Variants in DENND5A observed in about 807,000 individuals in gnomAD.
The protein encoded by DENND5A is DENN domain-containing protein 5A.
A neutral mutation model predicts 140.3 loss-of-function variants in DENND5A; 64 were observed. That is an observed-to-expected ratio of 0.46 (90% confidence interval 0.37 to 0.56). DENND5A has a LOEUF of 0.56. DENND5A is among the 20% of genes least tolerant of loss of function. The pLI, the probability that DENND5A is intolerant of heterozygous loss-of-function variation, is 0.00. For synonymous variants in DENND5A, 605 were observed against 607.7 expected, an observed-to-expected ratio of 1.00 and a Z score of 0.07; for missense variants, 1,292 against 1,593.8, an observed-to-expected ratio of 0.81 and a Z score of 3.22.
chr11:9,213,730 C>T (rs1376606918), intron 1 of DENND5A, among the ~76,000 whole-genome samples: 1 of 145,976 alleles, frequency 6.9e-6, no homozygotes, highest in Non-Finnish European at 1.5e-5. Flanking sequence ...TCGCTTGAAC[C>T]CTGGAGATGG....
chr11:9,191,463 C>T (rs11042214), intron 5 of DENND5A, among the ~76,000 whole-genome samples: 17,649 of 152,232 alleles, frequency 0.12, 1,091 homozygotes, highest in South Asian at 0.17. Flanking sequence ...TGGTCTCGAA[C>T]TCCTGACTTC....
Position 9,181,048 on chromosome 11 carries a change from T to C in DENND5A, c.1174A>G (p.Ile392Val). 5 of 1,614,038 alleles carry C rather than the reference T, an allele frequency of 3.1e-6. No individual in the cohort carries two copies. Among genetic ancestry groups the C allele is most frequent in the Non-Finnish European group, 4.2e-6 (5 of 1,179,994 alleles). The stretch of plus-strand genomic sequence containing the variant: ...TGTGGCAAGTCCTCTGGCAACTCAA[T>C]GAAGTGGTTGTCAATGTCCACAAAG... ...LCFVDIDNHF[I>V]ELPEDLPQFP... is the part of the protein sequence containing the mutation. The change falls in exon 6 of 23, where the codon ATT (isoleucine) becomes GTT (valine). Residue 392 changes from isoleucine (I) to valine (V), a missense_variant. Ile to Val is a conservative substitution (Grantham distance 29). Around this residue, in one of 4 missense-constraint regions of DENND5A, gnomAD observed 566 missense variants for 650.4 expected, o/e 0.87. Coordinates refer to ENST00000328194, the MANE Select transcript of DENND5A (RefSeq NM_015213.4).
At chr11:9,249,050 A>C (rs1032339926) in intron 1 of DENND5A, among the ~76,000 whole-genome samples, 13 of 151,984 alleles carry the variant, frequency 8.6e-5, no homozygotes, top group Non-Finnish European at 1.6e-4. Flanking sequence ...ACGTGGTGAA[A>C]CCCTGTCTCT....
chr11:9,145,884 A>T (rs1263435582), intron 16 of DENND5A, 69 bp from the exon 17 acceptor site: 1 of 1,551,522 alleles, frequency 6.4e-7, no homozygotes, highest in East Asian at 2.2e-5. Context: ...TGGGACTCTG[A>T]CCTGCTCCAG....
chr11:9,237,819 G>A (rs1229568555), intron 1 of DENND5A, among the ~76,000 whole-genome samples: 1 of 152,044 alleles, frequency 6.6e-6, no homozygotes, highest in Non-Finnish European at 1.5e-5. Context: ...GGAAGCAGAG[G>A]TTGCAGTGAG....
At chr11:9,223,494 C>A (rs1850402360) in intron 1 of DENND5A, among the ~76,000 whole-genome samples, 1 of 152,026 alleles carries the variant, frequency 6.6e-6, no homozygotes, top group Non-Finnish European at 1.5e-5. Context: ...GAGCCAAGAT[C>A]TCACCATTGC....
At chr11:9,197,671 G>A (rs1402429070) in intron 4 of DENND5A, among the ~76,000 whole-genome samples, 4 of 152,038 alleles carry the variant, frequency 2.6e-5, no homozygotes, top group Non-Finnish European at 5.9e-5. Flanking sequence ...CTCTAGCCTG[G>A]GCAACAGAGC....
chr11:9,193,419 T>C, intron 5 of DENND5A, 75 bp downstream of exon 5: 2 of 1,231,966 alleles, frequency 1.6e-6, no homozygotes, highest in East Asian at 5.1e-5. Flanking sequence ...ACATCATGCA[T>C]GCTGGGTTCA....
At chr11:9,144,313 G>T (rs747583993) in intron 18 of DENND5A, 35 bp from the exon 19 acceptor site, 10 of 1,606,012 alleles carry the variant, frequency 6.2e-6, no homozygotes, top group South Asian at 5.5e-5. Context: ...AGAGCAGCCA[G>T]CTCCTCCCTG....
intron 1 of DENND5A, among the ~76,000 whole-genome samples, chr11:9,233,201 C>G (rs1466791718): frequency 6.6e-6 from 1 of 152,068 alleles, no homozygotes; most frequent in Non-Finnish European, 1.5e-5. Flanking sequence ...GAGTTCGAGA[C>G]CAGCCTGGCC....
chr11:9,223,197 G>A (rs908232521), intron 1 of DENND5A, among the ~76,000 whole-genome samples: 2 of 151,788 alleles, frequency 1.3e-5, no homozygotes, highest in Admixed American at 1.3e-4. Context: ...AAGACCAGCC[G>A]AAGCAACATA....
chr11:9,173,529 T>C (rs1301770842), intron 8 of DENND5A, among the ~76,000 whole-genome samples: 3 of 152,194 alleles, frequency 2.0e-5, no homozygotes, highest in Admixed American at 2.0e-4. Flanking sequence ...GTTCTTTTTG[T>C]TGTTGTTTAG....
rs144366770 is a variant in DENND5A, at chr11:9,204,006, G to A, written c.603C>T (p.Leu201=). ...FNSYDISRDT[L]YVSKCICLIT... Reference sequence around the variant, plus strand: ...TGAGGCAGATGCACTTAGAGACGTAGAGAGTGTCCCGGCTAATGTCATAGG... The same window carrying A: ...TGAGGCAGATGCACTTAGAGACGTAAAGAGTGTCCCGGCTAATGTCATAGG... Residue 201 remains leucine, a synonymous_variant, in exon 4 of 23, where the codon CTC becomes CTT. Transcript: ENST00000328194. 6.8e-6 allele frequency: 11 copies of A among 1,614,030 alleles called. No homozygotes were observed. Among genetic ancestry groups the A allele is most frequent in the Middle Eastern group, 1.6e-4 (1 of 6,084 alleles).
intron 4 of DENND5A, among the ~76,000 whole-genome samples, chr11:9,198,968 A>AATGGCGTGAACCCGGGAGGCGGAG: frequency 1.5e-5 from 2 of 137,556 alleles, no homozygotes; most frequent in Non-Finnish European, 1.6e-5. Context: ...GAGGCAGGAG[A>AATGGCGTGAACCCGGGAGGCGGAG]CTCACTTGAT....
chr11:9,163,905 A>C (rs1848081027), intron 11 of DENND5A, among the ~76,000 whole-genome samples: 1 of 119,092 alleles, frequency 8.4e-6, no homozygotes, highest in Non-Finnish European at 1.7e-5. Context: ...CAGAAGAGAC[A>C]AAATTGTATG....
chr11:9,187,792 G>T (rs1187930646), intron 5 of DENND5A, among the ~76,000 whole-genome samples: 1 of 152,152 alleles, frequency 6.6e-6, no homozygotes, highest in African/African-American at 2.4e-5. Flanking sequence ...GCCTCACAAA[G>T]GCAGCTCAGT....
chr11:9,241,987 C>G, intron 1 of DENND5A, among the ~76,000 whole-genome samples: 1 of 145,124 alleles, frequency 6.9e-6, no homozygotes, highest in Non-Finnish European at 1.5e-5. Flanking sequence ...GCGCTCCAGC[C>G]TGGGCAACAT....
intron 4 of DENND5A, among the ~76,000 whole-genome samples, chr11:9,194,846 A>G (rs1402868216): frequency 2.0e-5 from 3 of 150,406 alleles, no homozygotes; most frequent in Non-Finnish European, 4.4e-5. Context: ...CAGCCTCCCG[A>G]GTAGCTGGGA....
Position 9,170,730 on chromosome 11 carries a change from G to A in DENND5A, c.1954C>T (p.His652Tyr). ...RLAKIDHTAI[H>Y]PHLLDMKIGQ... ...ATCTTCATGTCAAGTAAATGTGGGTGAATTGCAGTATGGTCAATTTTTGCC... is the reference window on the plus strand; with the variant it reads ...ATCTTCATGTCAAGTAAATGTGGGTAAATTGCAGTATGGTCAATTTTTGCC... Residue 652 changes from histidine to tyrosine, a missense_variant, in exon 9 of 23, where the codon CAC becomes TAC. His to Tyr is a moderately conservative substitution (Grantham distance 83, BLOSUM62 2). Coordinates refer to ENST00000328194, the MANE Select transcript of DENND5A (RefSeq NM_015213.4). The A allele has an allele frequency of 6.2e-7, 1 of 1,613,982 alleles. No individual in the cohort carries two copies. Among genetic ancestry groups the A allele is most frequent in the South Asian group, 1.1e-5 (1 of 91,082 alleles).
Sources: gnomAD v4.1 joint callset for allele counts (sites outside exome capture counted in the v4.1 genomes callset) on GRCh38, gnomAD v4.1.1 for gene constraint, gnomAD v4.1.1 regional missense constraint, MANE v1.5 for transcripts, NCBI Gene and HGNC (gene_info 2026-07-23, HGNC 2026-07-21) for gene names.